ELF1: variants seen among roughly 807,000 people sequenced by gnomAD.
The protein encoded by ELF1 is ETS-related transcription factor Elf-1.
In ELF1, 24 loss-of-function variants were observed where a neutral mutation model predicts 59.9. The observed-to-expected ratio is 0.40, with a 90% CI of 0.29 to 0.56. ELF1 has a LOEUF of 0.56. Ranked by LOEUF, ELF1 falls within the 20% of genes least tolerant of loss-of-function variation. The pLI is 0.44. For missense variants in ELF1, 627 were observed against 742.2 expected (o/e 0.84, Z 1.80); for synonymous variants, 248 against 266.2 (o/e 0.93, Z 0.67).
intron 8 of ELF1, among the ~76,000 whole-genome samples, chr13:40,937,143 T>G (rs1217951091): frequency 6.6e-6 from 1 of 152,216 alleles, no homozygotes; most frequent in Non-Finnish European, 1.5e-5. Flanking sequence ...TACTTTCTTC[T>G]TAGTTAATGA....
rs143049157 is a variant in ELF1, at chr13:40,977,428, C to T, written c.72+4555G>A. ...ATCAACAGCATTGATATTTCCTTTC[C>T]AACACCCCCGCCATGACCCCTGCCA... On this transcript the variant is annotated intron_variant, in intron 2 of 8. Transcript: ENST00000239882. 5.6e-3 allele frequency among the ~76,000 whole-genome samples: 855 copies of T among 152,078 alleles called. 7 individuals are homozygous for T. Among genetic ancestry groups the T allele is most frequent in the South Asian group, 0.013 (65 of 4,822 alleles).
At chr13:41,035,392 G>C (rs910400757) in intron 1 of ELF1, among the ~76,000 whole-genome samples, 2 of 152,026 alleles carry the variant, frequency 1.3e-5, no homozygotes, top group African/African-American at 4.8e-5. Flanking sequence ...ACTAATTATT[G>C]GCTCAATGAT....
At chr13:40,970,447 T>C (rs1872464200) in intron 2 of ELF1, among the ~76,000 whole-genome samples, 1 of 152,222 alleles carries the variant, frequency 6.6e-6, no homozygotes, top group Admixed American at 6.5e-5. Context: ...ATCTCTATCA[T>C]ACAGTGACTT....
intron 1 of ELF1, among the ~76,000 whole-genome samples, chr13:41,051,902 T>C (rs1593414546): frequency 6.6e-6 from 1 of 152,014 alleles, no homozygotes; most frequent in East Asian, 1.9e-4. Flanking sequence ...AAGTCGTCTA[T>C]ATTAGAATCA....
intron 8 of ELF1, among the ~76,000 whole-genome samples, chr13:40,939,052 G>C (rs1358532959): frequency 6.6e-6 from 1 of 152,114 alleles, no homozygotes; most frequent in East Asian, 1.9e-4. Context: ...ACCATTCTAG[G>C]CCAGATGCAG....
intron 3 of ELF1, among the ~76,000 whole-genome samples, chr13:40,956,162 C>T (rs530266213): frequency 4.0e-5 from 6 of 150,976 alleles, no homozygotes; most frequent in South Asian, 4.3e-4. Flanking sequence ...ACTGAGAAAT[C>T]GGATGGTTGC....
chr13:41,009,647 T>A (rs1874937720), intron 1 of ELF1, among the ~76,000 whole-genome samples: 1 of 152,188 alleles, frequency 6.6e-6, no homozygotes, highest in African/African-American at 2.4e-5. Flanking sequence ...TGTAATACTT[T>A]AATATACTTC....
chr13:41,023,688 C>T (rs1172464603), upstream of ELF1, among the ~76,000 whole-genome samples: 1 of 152,196 alleles, frequency 6.6e-6, no homozygotes, highest in Non-Finnish European at 1.5e-5. Context: ...GGACAGGTAA[C>T]TAGGTGGTAC....
upstream of ELF1, among the ~76,000 whole-genome samples, chr13:41,023,918 T>C: frequency 6.6e-6 from 1 of 152,202 alleles, no homozygotes. Flanking sequence ...TCGTAAACAT[T>C]GAAATATCTT....
intron 1 of ELF1, among the ~76,000 whole-genome samples, chr13:41,057,243 A>T (rs1877320939): frequency 6.6e-6 from 1 of 151,232 alleles, no homozygotes. Context: ...TGCAGCCTTG[A>T]ACTCCTGGGC....
In ELF1 at chr13:40,946,627, C is replaced by T. The variant is rs1346770323; in HGVS notation, c.530-2702G>A. Among the ~76,000 whole-genome samples the T allele has an allele frequency of 2.6e-5, 4 of 152,200 alleles. No homozygotes were observed. In the East Asian group the frequency reaches 7.7e-4, roughly 29 times the overall value. ...TCCACTTCCTCCATCTCTTCCACCTCTGCTACTCCTGAGACAGCAAGACCA... is the reference window on the plus strand; with the variant it reads ...TCCACTTCCTCCATCTCTTCCACCTTTGCTACTCCTGAGACAGCAAGACCA... On this transcript the variant is annotated intron_variant, in intron 5 of 8. Coordinates refer to ENST00000239882, the MANE Select transcript of ELF1 (RefSeq NM_172373.4).
At chr13:40,973,401 C>T (rs1016092043) in intron 2 of ELF1, among the ~76,000 whole-genome samples, 1 of 152,124 alleles carries the variant, frequency 6.6e-6, no homozygotes, top group African/African-American at 2.4e-5. Flanking sequence ...AAAACACACA[C>T]AAACAATTAT....
intron 1 of ELF1, among the ~76,000 whole-genome samples, chr13:40,994,551 G>A (rs957190099): frequency 1.1e-4 from 17 of 152,258 alleles, no homozygotes; most frequent in South Asian, 4.1e-4. Context: ...GCCGAGGCAC[G>A]AGAATCACTT....
In ELF1 at chr13:40,949,827, C is replaced by T; in HGVS notation, c.508G>A (p.Glu170Lys). 5 of 1,614,020 alleles carry T rather than the reference C, an allele frequency of 3.1e-6. No homozygotes were observed. The highest frequency in any genetic ancestry group is 4.2e-6 in the Non-Finnish European group (5 of 1,179,990). The change falls in exon 5 of 9, where the codon GAA becomes AAA. Residue 170 changes from glutamate (E) to lysine (K), a missense_variant. Physicochemically the swap from Glu to Lys is moderately conservative, Grantham distance 56 (BLOSUM62 1). Transcript: ENST00000239882. Reference protein sequence around the residue: ...YADSPGASSPEQPKRKKGRKT... With the variant: ...YADSPGASSPKQPKRKKGRKT... The stretch of plus-strand genomic sequence containing the variant: ...CTACCTTTTTTCCTCTTAGGCTGTT[C>T]TGGTGATGAGGCTCCCGGTGAGTCT...
Position 40,941,772 on chromosome 13 carries a change from G to A in ELF1, c.807-402C>T, listed in dbSNP as rs146175107. On this transcript the variant is annotated intron_variant, in intron 7 of 8. Coordinates refer to ENST00000239882, the MANE Select transcript of ELF1 (RefSeq NM_172373.4). ...TCCTGGCCTTAAGCAATCTTTCCAC[G>A]TCAGCCTCCTCAGTAGCTGGGACCA... 5.7e-3 allele frequency among the ~76,000 whole-genome samples: 874 copies of A among 152,054 alleles called. 8 individuals carry two copies. Among genetic ancestry groups the A allele is most frequent in the South Asian group, 0.014 (68 of 4,814 alleles).
upstream of ELF1, among the ~76,000 whole-genome samples, chr13:41,023,331 TA>T (rs1002169311): frequency 2.6e-5 from 4 of 152,252 alleles, no homozygotes; most frequent in African/African-American, 9.6e-5. Context: ...AAACTTAGGC[TA>T]AAAAAAGCTT....
At chr13:40,939,724 G>A (rs968997852) in intron 8 of ELF1, among the ~76,000 whole-genome samples, 11 of 152,228 alleles carry the variant, frequency 7.2e-5, no homozygotes, top group Admixed American at 2.0e-4. Flanking sequence ...AAATGCTCAC[G>A]GGAGCATTGT....
intron 1 of ELF1, among the ~76,000 whole-genome samples, chr13:41,027,389 T>C (rs1181563991): frequency 6.6e-6 from 1 of 152,232 alleles, no homozygotes; most frequent in African/African-American, 2.4e-5. Context: ...CACCTGTCAT[T>C]GCCCAGGGGG....
At chr13:40,999,899 C>T (rs756265611) in intron 1 of ELF1, among the ~76,000 whole-genome samples, 4 of 152,172 alleles carry the variant, frequency 2.6e-5, no homozygotes, top group African/African-American at 9.7e-5. Context: ...TTTTCGAAAA[C>T]GTATGACTAA....
Sources: allele counts gnomAD v4.1 joint callset (sites outside exome capture counted in the v4.1 genomes callset), GRCh38; gene constraint gnomAD v4.1.1; transcripts MANE v1.5; gene names NCBI Gene and HGNC (gene_info 2026-07-23, HGNC 2026-07-21).